The following PLEKHA1 variants were observed in gnomAD, a reference collection of about 807,000 sequenced individuals.
PLEKHA1 encodes pleckstrin homology domain-containing family A member 1.
In PLEKHA1, 34 loss-of-function variants were observed where a neutral mutation model predicts 52.0. The ratio of observed to expected loss-of-function variants is 0.65; its 90% CI spans 0.50 to 0.87. The LOEUF (loss-of-function observed/expected upper bound fraction) is 0.87. PLEKHA1 is among the 40% of genes least tolerant of loss of function. PLEKHA1 has a pLI of 0.00. For missense variants in PLEKHA1, 497 were observed against 504.2 expected (o/e 0.99, Z 0.14); for synonymous variants, 163 against 170.7 (o/e 0.95, Z 0.35).
intron 8 of PLEKHA1, chr10:122,421,312 C>T (rs1197691526): frequency 1.3e-5 from 2 of 152,066 alleles, no homozygotes; most frequent in African/African-American, 4.8e-5. Context: ...GGACATTCTA[C>T]AAAATAACTA....
chr10:122,384,175 G>A (rs2096655304), intron 1 of PLEKHA1, among the ~76,000 whole-genome samples: 1 of 151,910 alleles, frequency 6.6e-6, no homozygotes, highest in East Asian at 1.9e-4. Flanking sequence ...TCTATTGAAC[G>A]TTTGATATAT....
chr10:122,377,654 C>A (rs751910777), intron 1 of PLEKHA1, among the ~76,000 whole-genome samples: 8 of 152,160 alleles, frequency 5.3e-5, no homozygotes, highest in Non-Finnish European at 7.4e-5. Flanking sequence ...CATAAAGCAT[C>A]CTGTTATTTG....
chr10:122,413,116 A>C, intron 6 of PLEKHA1, 71 bp downstream of exon 6: 2 of 1,329,548 alleles, frequency 1.5e-6, no homozygotes, highest in South Asian at 1.8e-5. Context: ...ATTAAAACTA[A>C]AACAGTGCAT....
intron 4 of PLEKHA1, among the ~76,000 whole-genome samples, chr10:122,403,897 G>A (rs1052169081): frequency 9.9e-5 from 15 of 152,090 alleles, no homozygotes; most frequent in Admixed American, 9.8e-4. Flanking sequence ...TCACCATGTT[G>A]GCCAGGCTTG....
At chr10:122,428,395 T>A (rs958145612) in intron 11 of PLEKHA1, 9 of 1,529,780 alleles carry the variant, frequency 5.9e-6, no homozygotes, top group Non-Finnish European at 7.9e-6. Flanking sequence ...GGGCCCAGAC[T>A]TACTACTTAC....
chr10:122,424,118 C>T (rs191499750), intron 8 of PLEKHA1, 81 bp from the exon 9 acceptor site: 1 of 1,459,876 alleles, frequency 6.8e-7, no homozygotes, highest in East Asian at 2.5e-5. Context: ...CATGGGTCTT[C>T]AAATAAGACA....
downstream of PLEKHA1, chr10:122,434,263 T>G (rs1423041685): frequency 1.3e-5 from 2 of 152,224 alleles, no homozygotes; most frequent in Non-Finnish European, 2.9e-5. Context: ...ATTTTGTCCA[T>G]TTTTGAAAAG....
At chr10:122,401,774 C>T (rs147523594) in intron 4 of PLEKHA1, among the ~76,000 whole-genome samples, 26 of 152,120 alleles carry the variant, frequency 1.7e-4, no homozygotes, top group Non-Finnish European at 2.5e-4. Context: ...ACTGAAGGAA[C>T]GAATATTTGG....
intron 1 of PLEKHA1, among the ~76,000 whole-genome samples, chr10:122,379,289 C>T (rs76415193): frequency 0.016 from 2,418 of 152,276 alleles, 58 homozygotes; most frequent in African/African-American, 0.055. Flanking sequence ...AATCCAGGTA[C>T]GCTGTGGTTT....
downstream of PLEKHA1, chr10:122,434,649 T>G (rs2133807480): frequency 6.6e-6 from 1 of 151,570 alleles, no homozygotes; most frequent in East Asian, 1.9e-4. Flanking sequence ...ACATGTGCCA[T>G]GCTGGTGTGC....
At chr10:122,391,648 A>C (rs902015533) in intron 1 of PLEKHA1, among the ~76,000 whole-genome samples, 3 of 151,804 alleles carry the variant, frequency 2.0e-5, no homozygotes, top group Non-Finnish European at 2.9e-5. Flanking sequence ...CCACTGATCT[A>C]TGTCTATTCT....
chr10:122,434,331 A>G (rs1276626198), downstream of PLEKHA1: 1 of 152,228 alleles, frequency 6.6e-6, no homozygotes, highest in East Asian at 1.9e-4. Context: ...AAGGAAAAAT[A>G]CTGCCTTTTG....
Position 122,432,338 on chromosome 10 carries a change from A to G in PLEKHA1, c.*2400A>G, listed in dbSNP as rs2097422203. 6.6e-6 allele frequency: 1 copy of G among 152,206 alleles called. No individual in the cohort carries two copies. Among genetic ancestry groups the G allele is most frequent in the South Asian group, 2.1e-4 (1 of 4,838 alleles). The allele number at this position is 152,206 out of a possible 1,614,324, so 9.4% of individuals were successfully genotyped here. On this transcript the variant is annotated 3_prime_UTR_variant, in exon 12 of 12. Transcript: ENST00000368990. Reference sequence around the variant, plus strand: ...ACACTGTAATGAGAATAAACTGCACAGAGTTTATTCTGACTTATTTCTCAT... The same window carrying G: ...ACACTGTAATGAGAATAAACTGCACGGAGTTTATTCTGACTTATTTCTCAT...
chr10:122,424,748 AAAAT>A (rs1355604735), intron 9 of PLEKHA1, 144 bp from the exon 10 acceptor site: 1 of 523,134 alleles, frequency 1.9e-6, no homozygotes, highest in African/African-American at 2.0e-5. Context: ...ATCTTACATT[AAAAT>A]AAATGGGAAA....
chr10:122,377,301 A>G (rs185403069), intron 1 of PLEKHA1, among the ~76,000 whole-genome samples: 1 of 152,264 alleles, frequency 6.6e-6, no homozygotes, highest in African/African-American at 2.4e-5. Context: ...AGTATTTCCT[A>G]TTTGATTCCA....
At position 122,424,900 on chromosome 10, in the gene PLEKHA1, A is replaced by G. The variant is rs1203453432; in HGVS notation, c.751A>G (p.Ile251Val). 5 of 1,609,340 alleles carry G rather than the reference A, an allele frequency of 3.1e-6. No homozygotes were observed. The highest frequency in any genetic ancestry group is 2.2e-5 in the East Asian group (1 of 44,636). Residue 251 changes from isoleucine (I) to valine (V), a missense_variant, in exon 10 of 12, where the codon ATA (isoleucine) becomes GTA (valine). Ile to Val is a conservative substitution (Grantham distance 29). Transcript: ENST00000368990. ...HKVQECKQSD[I>V]MMRDNLFEIV... ...TTGGATTTTTTTTTCATACAGCGACATAATGATGAGGGACAACCTCTTTGA... is the reference window on the plus strand; with the variant it reads ...TTGGATTTTTTTTTCATACAGCGACGTAATGATGAGGGACAACCTCTTTGA...
intron 11 of PLEKHA1, 47 bp from the exon 12 acceptor site, chr10:122,429,577 C>T: frequency 6.4e-7 from 1 of 1,551,304 alleles, no homozygotes; most frequent in Non-Finnish European, 8.8e-7. Flanking sequence ...AGTTACTAAC[C>T]TGGTCATGAG....
intron 4 of PLEKHA1, among the ~76,000 whole-genome samples, chr10:122,402,601 A>G (rs766369039): frequency 6.6e-6 from 1 of 152,204 alleles, no homozygotes; most frequent in Non-Finnish European, 1.5e-5. Context: ...AGGCTTAGGT[A>G]TAGGAGATAC....
At chr10:122,415,738 T>C (rs2097165177) in intron 6 of PLEKHA1, 121 bp from the exon 7 acceptor site, 1 of 948,440 alleles carries the variant, frequency 1.1e-6, no homozygotes, top group Non-Finnish European at 1.5e-6. Flanking sequence ...ATTAGAAAAC[T>C]CTTCAAAAAT....
Sources: gnomAD v4.1 joint callset for allele counts (sites outside exome capture counted in the v4.1 genomes callset) on GRCh38, gnomAD v4.1.1 for gene constraint, MANE v1.5 for transcripts, NCBI Gene and HGNC (gene_info 2026-07-23, HGNC 2026-07-21) for gene names.